Variants in ST8SIA1 observed in about 807,000 individuals in gnomAD.
ST8SIA1 encodes alpha-N-acetylneuraminide alpha-2,8-sialyltransferase.
In ST8SIA1, 16 loss-of-function variants were observed where a neutral mutation model predicts 35.9. That is an observed-to-expected ratio of 0.45 (90% CI 0.30 to 0.68). ST8SIA1 has a LOEUF of 0.68. Ranked by LOEUF, ST8SIA1 falls within the 30% of genes least tolerant of loss-of-function variation. The probability of loss-of-function intolerance (pLI) is 0.09; values close to 1 mark genes in which losing one functional copy is unlikely to be tolerated. For missense variants in ST8SIA1, 383 were observed against 453.6 expected (o/e 0.84, Z 1.41); for synonymous variants, 170 against 169.6 (o/e 1.00, Z -0.02).
intron 1 of ST8SIA1, among the ~76,000 whole-genome samples, chr12:22,301,596 T>C (rs1351244334): frequency 6.6e-6 from 1 of 152,334 alleles, no homozygotes; most frequent in East Asian, 1.9e-4. Context: ...AATAAGAATA[T>C]GTTTTCATTT....
At chr12:22,296,782 G>T (rs982332697) in intron 1 of ST8SIA1, among the ~76,000 whole-genome samples, 11 of 152,142 alleles carry the variant, frequency 7.2e-5, no homozygotes, top group African/African-American at 2.7e-4. Context: ...GGAGCATAGG[G>T]GTGGGCAGGT....
Position 22,201,215 on chromosome 12 carries a change from C to T in ST8SIA1, c.*337G>A, listed in dbSNP as rs1488398797. On this transcript the variant is annotated 3_prime_UTR_variant, in exon 5 of 5. Coordinates refer to ENST00000396037, the MANE Select transcript of ST8SIA1 (RefSeq NM_003034.4). ...TTACCCCAACATTTTCTTTGTTCTA[C>T]CTTGATTGGTTCCTCAGCCCTAACA... is the stretch of plus-strand genomic sequence containing the variant. The T allele has an allele frequency of 2.5e-5, 5 of 200,878 alleles. No individual in the cohort carries two copies. The highest frequency in any genetic ancestry group is 5.0e-5 in the Non-Finnish European group (5 of 100,560). The allele number at this position is 200,878 out of a possible 1,614,324, so 12.4% of individuals were successfully genotyped here.
intron 1 of ST8SIA1, chr12:22,325,054 CA>C (rs1866657391): frequency 5.9e-6 from 1 of 170,138 alleles, no homozygotes; most frequent in Non-Finnish European, 1.2e-5. Context: ...AGACTGTTTA[CA>C]ATAAGTACTT....
intron 2 of ST8SIA1, chr12:22,286,522 G>C (rs983735947): frequency 3.9e-6 from 2 of 517,758 alleles, no homozygotes; most frequent in African/African-American, 3.9e-5. Context: ...CAAAACTAGG[G>C]TTCCCTAAAA....
chr12:22,239,868 A>G (rs1470663461), intron 4 of ST8SIA1, among the ~76,000 whole-genome samples: 2 of 152,204 alleles, frequency 1.3e-5, no homozygotes, highest in Non-Finnish European at 2.9e-5. Context: ...GGACACCCTC[A>G]ACATGGTGAG....
chr12:22,325,890 A>T (rs924225965), intron 1 of ST8SIA1: 6 of 701,636 alleles, frequency 8.6e-6, no homozygotes, highest in Non-Finnish European at 1.6e-5. Flanking sequence ...CAAGATGGAT[A>T]TTAAGTGACT....
At chr12:22,214,932 T>C (rs140564041) in intron 4 of ST8SIA1, among the ~76,000 whole-genome samples, 1,628 of 152,308 alleles carry the variant, frequency 0.011, 37 homozygotes, top group African/African-American at 0.037. Flanking sequence ...TAGTAGACTC[T>C]GGCTTCCAAC....
rs1194024936 is a variant in ST8SIA1 at position 22,199,975 on chromosome 12, C to T, written c.*1577G>A. The stretch of plus-strand genomic sequence containing the variant: ...CTTACCCTTCTCTGAAATGTAAACA[C>T]ATTTGGCTGCTTGTAATCTGTCAGT... On this transcript the variant is annotated 3_prime_UTR_variant, in exon 5 of 5. Transcript: ENST00000396037. 6.6e-6 allele frequency: 1 copy of T among 152,194 alleles called. No homozygotes were observed. The highest frequency in any genetic ancestry group is 1.5e-5 in the Non-Finnish European group (1 of 68,032). 9.4% of individuals were successfully genotyped at this position (152,194 alleles called of 1,614,324 possible).
chr12:22,249,213 GTTTTTTGTTT>G (rs1023950512), intron 3 of ST8SIA1, 115 bp from the exon 4 acceptor site: 2 of 461,058 alleles, frequency 4.3e-6, no homozygotes, highest in African/African-American at 2.3e-5. Context: ...TAACTGTTTT[GTTTTTTGTTT>G]TTTTTTTTTT....
chr12:22,229,364 C>T (rs147007501), intron 4 of ST8SIA1, among the ~76,000 whole-genome samples: 67 of 152,130 alleles, frequency 4.4e-4, no homozygotes, highest in African/African-American at 1.6e-3. Context: ...TGCCTGTAAT[C>T]CCAAAACTTT....
intron 2 of ST8SIA1, among the ~76,000 whole-genome samples, chr12:22,257,483 C>T (rs1463846035): frequency 1.3e-5 from 2 of 150,224 alleles, no homozygotes; most frequent in African/African-American, 4.9e-5. Flanking sequence ...CTCTTCCTCC[C>T]AAAGTGCTGG....
intron 4 of ST8SIA1, 51 bp downstream of exon 4, chr12:22,248,955 T>C (rs1258598041): frequency 7.2e-7 from 1 of 1,383,068 alleles, no homozygotes; most frequent in Non-Finnish European, 1.0e-6. Context: ...TGCTAAGTAC[T>C]TGAGAAGACT....
chr12:22,204,632 TG>T (rs142482628), intron 4 of ST8SIA1, among the ~76,000 whole-genome samples: 258 of 152,336 alleles, frequency 1.7e-3, no homozygotes, highest in African/African-American at 5.9e-3. Flanking sequence ...TTGTGTTTCC[TG>T]TCTTAAAGCC....
At chr12:22,265,377 G>T (rs1425529263) in intron 2 of ST8SIA1, among the ~76,000 whole-genome samples, 33 of 152,114 alleles carry the variant, frequency 2.2e-4, no homozygotes, top group Admixed American at 2.2e-3. Flanking sequence ...TCCCCTCATT[G>T]GAAATACCAC....
chr12:22,329,263 A>C (rs1428518084), intron 1 of ST8SIA1, among the ~76,000 whole-genome samples: 1 of 152,160 alleles, frequency 6.6e-6, no homozygotes, highest in African/African-American at 2.4e-5. Context: ...AAACTCCATC[A>C]TTTTGTTCAT....
At chr12:22,269,250 T>G (rs1865884576) in intron 2 of ST8SIA1, among the ~76,000 whole-genome samples, 2 of 147,382 alleles carry the variant, frequency 1.4e-5, no homozygotes, top group Non-Finnish European at 1.5e-5. Context: ...TACAGGGTTG[T>G]TTTTTTTTTA....
In ST8SIA1 at chr12:22,334,037, T is replaced by C. The variant is rs1211847656; in HGVS notation, c.196A>G (p.Thr66Ala). The C allele has an allele frequency of 5.6e-6, 9 of 1,613,710 alleles. No individual in the cohort carries two copies. The highest frequency in any genetic ancestry group is 7.6e-6 in the Non-Finnish European group (9 of 1,180,002). Reference sequence around the variant, plus strand: ...GCGGTCTGGTTCCTCCTCCACGCCGTGCCCTGTTGCAGCACCCCCTGCACG... The same window carrying C: ...GCGGTCTGGTTCCTCCTCCACGCCGCGCCCTGTTGCAGCACCCCCTGCACG... ...EIVQGVLQQG[T>A]AWRRNQTAAR... The change falls in exon 1 of 5, where the codon ACG becomes GCG. Residue 66 changes from threonine to alanine, a missense_variant. Thr to Ala is a moderately conservative substitution (Grantham distance 58). Transcript: ENST00000396037.
chr12:22,205,355 A>C (rs888130311), intron 4 of ST8SIA1, among the ~76,000 whole-genome samples: 2 of 152,224 alleles, frequency 1.3e-5, no homozygotes, highest in African/African-American at 2.4e-5. Flanking sequence ...AAAAATGAAG[A>C]TCAGCCCATG....
chr12:22,321,631 TA>T (rs1007017287), intron 1 of ST8SIA1, among the ~76,000 whole-genome samples: 1 of 152,116 alleles, frequency 6.6e-6, no homozygotes, highest in Non-Finnish European at 1.5e-5. Context: ...TCAAAGTGAA[TA>T]AAAAATTAAT....
Sources: gnomAD v4.1 joint callset for allele counts (sites outside exome capture counted in the v4.1 genomes callset) on GRCh38, gnomAD v4.1.1 for gene constraint, MANE v1.5 for transcripts, NCBI Gene and HGNC (gene_info 2026-07-23, HGNC 2026-07-21) for gene names.